C8A: variants seen among roughly 807,000 people sequenced by gnomAD.
C8A encodes complement C8 alpha chain.
C8A carries 67 observed loss-of-function variants against 65.3 expected under a neutral mutation model. The ratio of observed to expected loss-of-function variants is 1.03; its 90% CI spans 0.84 to 1.26. The LOEUF (loss-of-function observed/expected upper bound fraction) is 1.26. C8A is among the 50% of genes most tolerant of loss of function. The probability of loss-of-function intolerance (pLI) is 0.00; values close to 1 mark genes in which losing one functional copy is unlikely to be tolerated. For missense variants in C8A, 781 were observed against 723.9 expected, an observed-to-expected ratio of 1.08 and a Z score of -0.90; for synonymous variants, 290 against 259.4, an observed-to-expected ratio of 1.12 and a Z score of -1.13.
chr1:56,859,353 CTGT>C, intron 1 of C8A, among the ~76,000 whole-genome samples: 1 of 152,214 alleles, frequency 6.6e-6, no homozygotes, highest in South Asian at 2.1e-4. Flanking sequence ...GTCATAATCT[CTGT>C]CTTCCAGAGC....
chr1:56,878,028 T>G (rs1644214514), intron 4 of C8A, among the ~76,000 whole-genome samples: 1 of 152,210 alleles, frequency 6.6e-6, no homozygotes, highest in Non-Finnish European at 1.5e-5. Context: ...CTCACAATTC[T>G]GGAGACTAGA....
At chr1:56,897,779 CG>C (rs1487250815) in intron 7 of C8A, among the ~76,000 whole-genome samples, 1 of 152,098 alleles carries the variant, frequency 6.6e-6, no homozygotes, top group East Asian at 1.9e-4. Flanking sequence ...GGGGAAAAAC[CG>C]TATTCGTAAT....
At chr1:56,861,820 C>G (rs996412389) in intron 1 of C8A, among the ~76,000 whole-genome samples, 5 of 152,172 alleles carry the variant, frequency 3.3e-5, no homozygotes, top group Non-Finnish European at 5.9e-5. Context: ...GATTTTAATA[C>G]AAGCTGAGCC....
At chr1:56,882,883 G>A (rs554013952) in intron 5 of C8A, among the ~76,000 whole-genome samples, 2 of 152,148 alleles carry the variant, frequency 1.3e-5, no homozygotes, top group Admixed American at 6.5e-5. Context: ...AGACACTCAG[G>A]GACTCAAGGT....
At chr1:56,872,908 A>AG (rs1644160576) in intron 2 of C8A, among the ~76,000 whole-genome samples, 1 of 151,964 alleles carries the variant, frequency 6.6e-6, no homozygotes, top group African/African-American at 2.4e-5. Context: ...GAAAAAAAAA[A>AG]GAAAGAAAGA....
intron 7 of C8A, among the ~76,000 whole-genome samples, chr1:56,891,902 T>C (rs1644349052): frequency 6.6e-6 from 1 of 152,176 alleles, no homozygotes; most frequent in African/African-American, 2.4e-5. Flanking sequence ...TGCAATTATA[T>C]ATTTGTCTCT....
chr1:56,864,162 G>T (rs1011983456), intron 1 of C8A, among the ~76,000 whole-genome samples: 2 of 152,162 alleles, frequency 1.3e-5, no homozygotes, highest in African/African-American at 4.8e-5. Flanking sequence ...AACCAGTCTG[G>T]ATATCAGGAA....
rs1436590718 is a variant in C8A, at chr1:56,875,038, T to C, written c.261T>C (p.Ser87=). Residue 87 remains serine (S), a synonymous_variant, in exon 3 of 11, where the codon TCT becomes TCC. Transcript: ENST00000361249. The part of the protein sequence containing the change: ...DIWDQASCSS[S]TTCVRQAQCG... The stretch of plus-strand genomic sequence containing the variant: ...GGGATCAAGCCAGCTGCTCCAGTTC[T>C]ACAACTTGTGTAAGGCAAGCACAGT... 2 of 1,613,784 alleles carry C rather than the reference T, an allele frequency of 1.2e-6. No homozygotes were observed. Among genetic ancestry groups the C allele is most frequent in the South Asian group, 2.2e-5 (2 of 91,060 alleles).
intron 7 of C8A, among the ~76,000 whole-genome samples, chr1:56,889,331 C>T (rs1212128298): frequency 6.6e-6 from 1 of 152,038 alleles, no homozygotes; most frequent in Non-Finnish European, 1.5e-5. Flanking sequence ...AAATATCTAC[C>T]TTCTTTCCTT....
intron 6 of C8A, 39 bp from the exon 7 acceptor site, chr1:56,885,888 C>T (rs1188771492): frequency 6.2e-6 from 10 of 1,613,072 alleles, no homozygotes; most frequent in Non-Finnish European, 8.5e-6. Flanking sequence ...TATATGCTCT[C>T]TTTGTTCTTT....
intron 7 of C8A, among the ~76,000 whole-genome samples, chr1:56,895,831 C>G (rs976015660): frequency 2.6e-5 from 4 of 152,064 alleles, no homozygotes; most frequent in African/African-American, 9.7e-5. Flanking sequence ...TGCCTGTAGT[C>G]CCGGCTACTT....
intron 4 of C8A, among the ~76,000 whole-genome samples, chr1:56,880,094 C>G (rs1557703155): frequency 6.6e-6 from 1 of 152,118 alleles, no homozygotes; most frequent in Non-Finnish European, 1.5e-5. Context: ...AAAAAACGAG[C>G]AATAACTACA....
rs755610786 is a variant in C8A, at chr1:56,917,629, G to A, written c.1668G>A (p.Gln556=). ...GGTCTGTATGCAGAGCAGGCATCCA[G>A]GAAAGGAGAAGAGAGTGTGACAATC... ...SSWSVCRAGI[Q]ERRRECDNPA... is the part of the protein sequence containing the mutation. Residue 556 remains glutamine (Q), a synonymous_variant, in exon 11 of 11, where the codon CAG becomes CAA. Transcript: ENST00000361249. The A allele has an allele frequency of 1.2e-6, 2 of 1,614,174 alleles. No homozygotes were observed. The highest frequency in any genetic ancestry group is 1.7e-6 in the Non-Finnish European group (2 of 1,180,026).
At chr1:56,894,391 T>G (rs572625797) in intron 7 of C8A, among the ~76,000 whole-genome samples, 1 of 152,196 alleles carries the variant, frequency 6.6e-6, no homozygotes, top group African/African-American at 2.4e-5. Context: ...AAGGTCACTT[T>G]GAACTCTCAT....
At chr1:56,869,696 T>TTATG (rs1354623859) in intron 2 of C8A, among the ~76,000 whole-genome samples, 1 of 152,232 alleles carries the variant, frequency 6.6e-6, no homozygotes, top group African/African-American at 2.4e-5. Context: ...GATTTTTTAA[T>TTATG]TATGGCCATT....
chr1:56,886,278 A>G, intron 7 of C8A, 111 bp downstream of exon 7: 1 of 1,271,344 alleles, frequency 7.9e-7, no homozygotes, highest in Non-Finnish European at 1.1e-6. Flanking sequence ...TTTAGTTTTT[A>G]GGACAACTCT....
Position 56,912,468 on chromosome 1 carries a change from C to A in C8A, c.1446C>A (p.Asn482Lys), listed in dbSNP as rs777141218. ...GGCCTCTGGAGGCCAAGCGCCAGAA[C>A]CTGCGCCGCGCCTTGGACCAGTATC... ...SLGPLEAKRQ[N>K]LRRALDQYLM... Residue 482 changes from asparagine to lysine, a missense_variant, in exon 10 of 11, where the codon AAC becomes AAA. Asn to Lys is a moderately conservative substitution (Grantham distance 94, BLOSUM62 0). Coordinates refer to ENST00000361249, the MANE Select transcript of C8A (RefSeq NM_000562.3). 6.2e-6 allele frequency: 10 copies of A among 1,614,102 alleles called. No individual in the cohort carries two copies. Among genetic ancestry groups the A allele is most frequent in the Non-Finnish European group, 8.5e-6 (10 of 1,180,038 alleles).
At chr1:56,874,470 G>A (rs931009906) in intron 2 of C8A, among the ~76,000 whole-genome samples, 2 of 152,202 alleles carry the variant, frequency 1.3e-5, no homozygotes, top group Non-Finnish European at 2.9e-5. Flanking sequence ...AGTGCCAAGT[G>A]TATGAAGCCA....
rs779257268 is a variant in C8A, at chr1:56,875,996, T to C, written c.317-66T>C. On this transcript the variant is annotated intron_variant, in intron 3 of 10. Transcript: ENST00000361249. ...TATTTCTGAGGAAGAAAGGACTTAC[T>C]GATTGTGGGTGTGAGTCTGGAGGGA... is the stretch of plus-strand genomic sequence containing the variant. 10 of 1,576,276 alleles carry C rather than the reference T, an allele frequency of 6.3e-6. No individual in the cohort carries two copies. In the South Asian group the frequency reaches 8.0e-5, roughly 13 times the overall value.
Sources: allele counts gnomAD v4.1 joint callset (sites outside exome capture counted in the v4.1 genomes callset), GRCh38; gene constraint gnomAD v4.1.1; transcripts MANE v1.5; gene names NCBI Gene and HGNC (gene_info 2026-07-23, HGNC 2026-07-21).